Variants in IFT172 observed in about 807,000 individuals in gnomAD.
IFT172 encodes intraflagellar transport protein 172 homolog.
IFT172 carries 164 observed loss-of-function variants against 248.9 expected under a neutral mutation model. The observed-to-expected ratio is 0.66, with a 90% CI of 0.58 to 0.75. IFT172 has a LOEUF of 0.75. IFT172 is among the 30% of genes least tolerant of loss of function. The pLI, the probability that IFT172 is intolerant of heterozygous loss-of-function variation, is 0.00. For missense variants in IFT172, 1,950 were observed against 2,192.4 expected (o/e 0.89, Z 2.21); for synonymous variants, 729 against 791.6 (o/e 0.92, Z 1.33).
chr2:27,484,228 G>A lies in IFT172; in HGVS notation c.335C>T (p.Thr112Met), dbSNP rs191146686. The A allele has an allele frequency of 3.0e-5, 48 of 1,613,860 alleles. No homozygotes were observed. The highest frequency in any genetic ancestry group is 6.7e-5 in the African/African-American group (5 of 74,896). ...TCCAGGGACTGGTCTGAACTTTACCGTCTGGATGAACTTGTTGCAGATGAC... is the reference window on the plus strand; with the variant it reads ...TCCAGGGACTGGTCTGAACTTTACCATCTGGATGAACTTGTTGCAGATGAC... ...KKVICNKFIQ[T>M]SAVTCLQWPA... Residue 112 changes from threonine to methionine, a missense_variant and splice_region_variant, in exon 4 of 48, where the codon ACG becomes ATG. Physicochemically the swap from Thr to Met is moderately conservative, Grantham distance 81 (BLOSUM62 -1). Transcript: ENST00000260570.
In IFT172 at chr2:27,449,298, T is replaced by C. The variant is rs377646246; in HGVS notation, c.4307A>G (p.Lys1436Arg). Reference protein sequence around the residue: ...QWDKCIETATKQNYKILHKYV... With the variant: ...QWDKCIETATRQNYKILHKYV... ...GGAATGGGAAGAGAGCAGTACCTGC[T>C]TGGTAGCTGTTTCAATGCACTTGTC... Residue 1436 changes from lysine to arginine, a missense_variant, in exon 39 of 48, where the codon AAG (lysine) becomes AGG (arginine). By Grantham distance (26) the Lys-to-Arg change is conservative (BLOSUM62 2). Transcript: ENST00000260570. The C allele has an allele frequency of 1.2e-5, 19 of 1,614,148 alleles. No individual in the cohort carries two copies. The highest frequency in any genetic ancestry group is 1.4e-5 in the Non-Finnish European group (17 of 1,180,030).
chr2:27,479,873 CT>C (rs1572821011), intron 9 of IFT172, among the ~76,000 whole-genome samples, 152 bp downstream of exon 9: 1 of 152,320 alleles, frequency 6.6e-6, no homozygotes, highest in East Asian at 1.9e-4. Flanking sequence ...GTATGAATTT[CT>C]CTTTCCTGCC....
intron 35 of IFT172, among the ~76,000 whole-genome samples, chr2:27,451,066 C>G (rs1477712682): frequency 6.7e-6 from 1 of 149,788 alleles, no homozygotes; most frequent in Non-Finnish European, 1.5e-5. Context: ...TATAGATGGT[C>G]TTGATGATAA....
In IFT172 at chr2:27,447,735, T is replaced by A; in HGVS notation, c.4539+77A>T. The stretch of plus-strand genomic sequence containing the variant: ...ACCTGGCAGAGGAAGGTAAAATACA[T>A]CTGAGAATAAAGGTTTATGTGCATC... On this transcript the variant is annotated intron_variant, in intron 41 of 47. Transcript: ENST00000260570. The A allele has an allele frequency of 3.7e-6, 6 of 1,605,062 alleles. No homozygotes were observed. The Admixed American group carries it at 8.3e-5, about 22-fold the overall frequency.
chr2:27,458,807 TG>T lies in IFT172; in HGVS notation c.2848del (p.Gln950ArgfsTer13), dbSNP rs1204731611. 1 of 1,614,186 alleles carries T rather than the reference TG, an allele frequency of 6.2e-7. No homozygotes were observed. The highest frequency in any genetic ancestry group is 8.5e-7 in the Non-Finnish European group (1 of 1,180,028). ...RTKDAIDMYT[Q>X]AGRWEQAHKL... is the part of the protein sequence containing the mutation. ...GTGGGCTTGTTCCCAACGACCAGCC[TG>T]GGTGTACATGTCTATGGCATCTTTT... is the stretch of plus-strand genomic sequence containing the variant. On this transcript the variant is annotated frameshift_variant, in exon 26 of 48. Coordinates refer to ENST00000260570, the MANE Select transcript of IFT172 (RefSeq NM_015662.3). LOFTEE classifies it high-confidence loss of function.
chr2:27,477,887 G>A, intron 11 of IFT172, 108 bp downstream of exon 11: 2 of 1,397,184 alleles, frequency 1.4e-6, no homozygotes, highest in Non-Finnish European at 2.0e-6. Flanking sequence ...CCCTACACCA[G>A]AATGTTAGAA....
chr2:27,446,213 C>A, intron 43 of IFT172, 47 bp downstream of exon 43: 5 of 1,579,782 alleles, frequency 3.2e-6, no homozygotes, highest in Non-Finnish European at 4.3e-6. Context: ...TATTTTCCAA[C>A]CTTTAACTTC....
In IFT172 at chr2:27,458,886, T is replaced by G. The variant is rs1470818823; in HGVS notation, c.2788-18A>C. 27 of 1,612,480 alleles carry G rather than the reference T, an allele frequency of 1.7e-5. No homozygotes were observed. The highest frequency in any genetic ancestry group is 2.2e-5 in the Non-Finnish European group (26 of 1,179,174). ...TCAGCAATCTGTAGTTGATGGGAGG[T>G]AGATACAAAAGGTCAGAGCAACAGA... On this transcript the variant is annotated intron_variant, in intron 25 of 47. Transcript: ENST00000260570.
chr2:27,459,969 C>T, intron 23 of IFT172, 140 bp from the exon 24 acceptor site: 1 of 1,088,534 alleles, frequency 9.2e-7, no homozygotes, highest in Non-Finnish European at 1.3e-6. Flanking sequence ...TGAACACACG[C>T]ACCAAGAGGT....
chr2:27,482,710 A>G (rs532044391), intron 7 of IFT172, among the ~76,000 whole-genome samples: 22 of 152,266 alleles, frequency 1.4e-4, no homozygotes, highest in African/African-American at 4.1e-4. Flanking sequence ...ATGAATCTAC[A>G]TACATAAATA....
At position 27,445,538 on chromosome 2, in the gene IFT172, C is replaced by A; in HGVS notation, c.4915-89G>T. 6.9e-7 allele frequency: 1 copy of A among 1,448,252 alleles called. No homozygotes were observed. 89.7% of individuals were successfully genotyped at this position (1,448,252 alleles called of 1,614,324 possible). A position where few individuals can be genotyped will look rare whatever the true frequency, so the allele number is the denominator to read the frequency against. ...TGGGTGAGGAGGGGGTTTGCTAAGC[C>A]CTCATCCTGTATACCAGCTTTTAGC... On this transcript the variant is annotated intron_variant, in intron 45 of 47. Coordinates refer to ENST00000260570, the MANE Select transcript of IFT172 (RefSeq NM_015662.3). The surrounding 1 kb of genome is among the most constrained non-coding windows in gnomAD (Gnocchi z 4.4).
chr2:27,453,847 C>A, intron 33 of IFT172, 108 bp from the exon 34 acceptor site: 1 of 1,369,372 alleles, frequency 7.3e-7, no homozygotes. Flanking sequence ...CCTCTCTTCT[C>A]CTCCTCTTTC....
At chr2:27,468,529 C>T (rs754373534) in intron 16 of IFT172, among the ~76,000 whole-genome samples, 16 of 152,034 alleles carry the variant, frequency 1.1e-4, no homozygotes, top group Admixed American at 2.0e-4. Flanking sequence ...CCACTGTGCC[C>T]GGTCCTAAAA....
Position 27,465,499 on chromosome 2 carries a change from T to G in IFT172, c.1849A>C (p.Thr617Pro), listed in dbSNP as rs1403737174. ...NYIRATAFLE[T>P]LEMTPETEAM... Reference sequence around the variant, plus strand: ...TCTGTTTCTGGGGTCATTTCCAGAGTCTCTAAGAAGGCTGTTGCCCTGGAA... The same window carrying G: ...TCTGTTTCTGGGGTCATTTCCAGAGGCTCTAAGAAGGCTGTTGCCCTGGAA... Residue 617 changes from threonine to proline, a missense_variant, in exon 18 of 48, where the codon ACT (threonine) becomes CCT (proline). Thr to Pro is a conservative substitution (Grantham distance 38). Around this residue, in one of 3 missense-constraint regions of IFT172, gnomAD observed 1,166 missense variants for 1,254.1 expected, o/e 0.93. Transcript: ENST00000260570. 6.2e-7 allele frequency: 1 copy of G among 1,613,596 alleles called. No homozygotes were observed. The highest frequency in any genetic ancestry group is 8.5e-7 in the Non-Finnish European group (1 of 1,179,956).
Position 27,454,262 on chromosome 2 carries a change from G to A in IFT172, c.3530+92C>T. The A allele has an allele frequency of 1.2e-6, 2 of 1,604,168 alleles. No homozygotes were observed. The highest frequency in any genetic ancestry group is 1.7e-6 in the Non-Finnish European group (2 of 1,171,172). On this transcript the variant is annotated intron_variant, in intron 32 of 47. Transcript: ENST00000260570. This position sits in a 1 kb window ranked among gnomAD's most constrained non-coding sequence, Gnocchi z 4.2. ...TCACTGAGGGGTGTAACACTGATTT[G>A]TTCTAGGTTTGAATGAAGGTCAAGA... is the stretch of plus-strand genomic sequence containing the variant.
intron 10 of IFT172, 34 bp from the exon 11 acceptor site, chr2:27,478,190 T>TC: frequency 6.2e-7 from 1 of 1,612,110 alleles, no homozygotes. Flanking sequence ...CCCTTAGGCT[T>TC]CCCCAGCCCA....
At chr2:27,461,686 C>T (rs1666684013) in intron 21 of IFT172, 73 bp downstream of exon 21, 1 of 1,596,106 alleles carries the variant, frequency 6.3e-7, no homozygotes, top group Admixed American at 1.7e-5. Context: ...TCTATGGCCT[C>T]CTTGACAAAA....
chr2:27,466,749 T>G (rs1667113004), intron 16 of IFT172, among the ~76,000 whole-genome samples: 1 of 152,062 alleles, frequency 6.6e-6, no homozygotes, highest in Non-Finnish European at 1.5e-5. Context: ...CGGTGGCTCA[T>G]ACCTGTAATC....
At chr2:27,460,847 CTT>C (rs1452634229) in intron 23 of IFT172, among the ~76,000 whole-genome samples, 166 bp downstream of exon 23, 1 of 147,062 alleles carries the variant, frequency 6.8e-6, no homozygotes, top group Non-Finnish European at 1.5e-5. Context: ...CCCCTTATTT[CTT>C]TCTCTATACT....
Sources: gnomAD v4.1 joint callset for allele counts (sites outside exome capture counted in the v4.1 genomes callset) on GRCh38, gnomAD v4.1.1 for gene constraint, gnomAD v4.1.1 regional missense constraint, Gnocchi (gnomAD v3.1) non-coding constraint, MANE v1.5 for transcripts, NCBI Gene and HGNC (gene_info 2026-07-23, HGNC 2026-07-21) for gene names.